TOX2: variants seen among roughly 807,000 people sequenced by gnomAD.
TOX2 encodes the protein granulosa cell HMG box 1.
In TOX2, 15 loss-of-function variants were observed where a neutral mutation model predicts 47.4. The observed-to-expected ratio is 0.32, with a 90% CI of 0.21 to 0.49. The LOEUF (loss-of-function observed/expected upper bound fraction) is 0.49, where lower values mean the gene tolerates loss of function less well. Ranked by LOEUF, TOX2 falls within the 20% of genes least tolerant of loss-of-function variation. The probability of loss-of-function intolerance (pLI) is 0.99; values close to 1 mark genes in which losing one functional copy is unlikely to be tolerated. For synonymous variants in TOX2, 290 were observed against 296.6 expected (o/e 0.98, Z 0.23); for missense variants, 622 against 673.1 (o/e 0.92, Z 0.84).
At chr20:43,949,936 C>T (rs1402035503) in intron 1 of TOX2, among the ~76,000 whole-genome samples, 1 of 152,114 alleles carries the variant, frequency 6.6e-6, no homozygotes, top group Non-Finnish European at 1.5e-5. Flanking sequence ...AAAAGACCTC[C>T]CTGCAAATTA....
chr20:43,946,365 C>T (rs1207138024), intron 1 of TOX2, among the ~76,000 whole-genome samples: 1 of 152,064 alleles, frequency 6.6e-6, no homozygotes, highest in East Asian at 1.9e-4. Context: ...GTTGGGGGGT[C>T]TGGCTGATTC....
At chr20:43,965,183 G>A (rs754068983) in intron 1 of TOX2, among the ~76,000 whole-genome samples, 1 of 152,178 alleles carries the variant, frequency 6.6e-6, no homozygotes, top group Admixed American at 6.5e-5. Context: ...AGACTGGCTG[G>A]CTGTCTCCGT....
At position 44,051,461 on chromosome 20, in the gene TOX2, C is replaced by T. The variant is rs888960759; in HGVS notation, c.567C>T (p.Ser189=). ...QMGIRSSIAH[S]SPSPPGSKSA... ...GCATCCGGAGCAGCATCGCCCACAG[C>T]TCCCCATCACCGCCGGGGAGCAAGT... is the stretch of plus-strand genomic sequence containing the variant. The change falls in exon 4 of 9, where the codon AGC becomes AGT. Residue 189 remains serine (S), a synonymous_variant. Coordinates refer to ENST00000341197, the MANE Select transcript of TOX2 (RefSeq NM_001098797.2). 6.2e-7 allele frequency: 1 copy of T among 1,613,928 alleles called. No homozygotes were observed. Among genetic ancestry groups the T allele is most frequent in the Non-Finnish European group, 8.5e-7 (1 of 1,179,860 alleles).
At chr20:43,948,875 G>A (rs116961891) in intron 1 of TOX2, among the ~76,000 whole-genome samples, 205 of 152,314 alleles carry the variant, frequency 1.3e-3, no homozygotes, top group Non-Finnish European at 2.4e-3. Flanking sequence ...GTAGCAATTG[G>A]GTGGACCTGG....
intron 1 of TOX2, among the ~76,000 whole-genome samples, chr20:43,951,049 G>A (rs949900813): frequency 6.6e-6 from 1 of 152,050 alleles, no homozygotes; most frequent in Non-Finnish European, 1.5e-5. Context: ...AAGGATTCTG[G>A]CCCCATGATT....
chr20:43,991,609 A>G (rs894408896), intron 2 of TOX2, among the ~76,000 whole-genome samples: 8 of 129,102 alleles, frequency 6.2e-5, no homozygotes, highest in Non-Finnish European at 9.7e-5. Flanking sequence ...GGGACAGGCA[A>G]TAATCATTAT....
chr20:44,029,125 G>A (rs781235551), intron 3 of TOX2, among the ~76,000 whole-genome samples: 12 of 152,194 alleles, frequency 7.9e-5, no homozygotes, highest in Non-Finnish European at 1.2e-4. Flanking sequence ...GGTCGCCACC[G>A]CGCTGATGCT....
chr20:44,027,207 T>C (rs1409901160), intron 3 of TOX2, among the ~76,000 whole-genome samples: 1 of 151,742 alleles, frequency 6.6e-6, no homozygotes, highest in African/African-American at 2.4e-5. Context: ...AGAGAATTTA[T>C]AATTAGCTCA....
intron 1 of TOX2, among the ~76,000 whole-genome samples, chr20:43,953,481 T>C (rs1158459742): frequency 1.3e-5 from 2 of 152,090 alleles, no homozygotes; most frequent in East Asian, 1.9e-4. Flanking sequence ...TGCTCCAACA[T>C]GTATGCCCAC....
At chr20:43,951,928 G>T (rs530985228) in intron 1 of TOX2, among the ~76,000 whole-genome samples, 1 of 150,956 alleles carries the variant, frequency 6.6e-6, no homozygotes, top group Non-Finnish European at 1.5e-5. Flanking sequence ...GCCGAGTCTC[G>T]CTCTGTCGCC....
intron 1 of TOX2, among the ~76,000 whole-genome samples, chr20:43,930,009 C>T (rs1256054595): frequency 1.3e-5 from 2 of 152,324 alleles, no homozygotes; most frequent in Admixed American, 1.3e-4. Context: ...CGCCCAGCTG[C>T]TTCTGAGTAT....
intron 3 of TOX2, among the ~76,000 whole-genome samples, chr20:44,016,959 C>T (rs987344756): frequency 8.5e-5 from 13 of 152,204 alleles, no homozygotes; most frequent in African/African-American, 3.1e-4. Context: ...AACAACATAT[C>T]AGAAATGTAA....
chr20:43,960,076 C>T (rs1600684707), intron 1 of TOX2, among the ~76,000 whole-genome samples: 1 of 152,176 alleles, frequency 6.6e-6, no homozygotes, highest in South Asian at 2.1e-4. Context: ...ATGGGAGCCT[C>T]AGTAACTTAC....
At chr20:44,036,292 AG>A (rs1309634834) in intron 3 of TOX2, among the ~76,000 whole-genome samples, 1 of 152,214 alleles carries the variant, frequency 6.6e-6, no homozygotes, top group African/African-American at 2.4e-5. Flanking sequence ...CACACTGAGT[AG>A]GTGTTCACTG....
At chr20:44,031,249 C>G (rs987306370) in intron 3 of TOX2, among the ~76,000 whole-genome samples, 13 of 152,144 alleles carry the variant, frequency 8.5e-5, no homozygotes, top group Non-Finnish European at 1.8e-4. Flanking sequence ...TTAGCGCCCT[C>G]TGTGTTCAGC....
intron 1 of TOX2, among the ~76,000 whole-genome samples, chr20:43,961,533 C>T (rs2069757295): frequency 6.6e-6 from 1 of 151,730 alleles, no homozygotes; most frequent in Admixed American, 6.6e-5. Context: ...AACTGATGCT[C>T]AGTCAATGGT....
At position 44,001,035 on chromosome 20, in the gene TOX2, C is replaced by T. The variant is rs116384557; in HGVS notation, c.166-5512C>T. On this transcript the variant is annotated intron_variant, in intron 2 of 8. Transcript: ENST00000341197. ...TGATTGGAGTGGGTTTAAGAAAGAA[C>T]GAGTGGAAATGAAGAGGTAACTCTT... is the stretch of plus-strand genomic sequence containing the variant. Among the ~76,000 whole-genome samples, 419 of 152,086 alleles carry T rather than the reference C, an allele frequency of 2.8e-3. 2 individuals are homozygous for T. The highest frequency in any genetic ancestry group is 9.7e-3 in the African/African-American group (404 of 41,480).
chr20:43,961,782 G>T (rs536957950), intron 1 of TOX2, among the ~76,000 whole-genome samples: 1 of 152,166 alleles, frequency 6.6e-6, no homozygotes, highest in East Asian at 1.9e-4. Context: ...GGGAGTGCCG[G>T]TGGGTGAGAC....
At chr20:43,957,710 A>T (rs1238143643) in intron 1 of TOX2, among the ~76,000 whole-genome samples, 1 of 152,114 alleles carries the variant, frequency 6.6e-6, no homozygotes, top group Admixed American at 6.5e-5. Flanking sequence ...CTATAAAGAC[A>T]TACCTGAGAC....
Sources: allele counts gnomAD v4.1 joint callset (sites outside exome capture counted in the v4.1 genomes callset), GRCh38; gene constraint gnomAD v4.1.1; transcripts MANE v1.5; gene names NCBI Gene and HGNC (gene_info 2026-07-23, HGNC 2026-07-21).